Variants in ZNF804B observed in about 807,000 individuals in gnomAD.
The protein encoded by ZNF804B is zinc finger 804B.
Under a neutral mutation model 101.4 loss-of-function variants are expected in ZNF804B, and 80 were observed. That is an observed-to-expected ratio of 0.79 (90% CI 0.66 to 0.95). The LOEUF (loss-of-function observed/expected upper bound fraction) is 0.95, where lower values mean the gene tolerates loss of function less well. ZNF804B is among the 40% of genes least tolerant of loss of function. The pLI, the probability that ZNF804B is intolerant of heterozygous loss-of-function variation, is 0.00. For missense variants in ZNF804B, 1,673 were observed against 1,561.9 expected, an observed-to-expected ratio of 1.07 and a Z score of -1.20; for synonymous variants, 622 against 558.8, an observed-to-expected ratio of 1.11 and a Z score of -1.59.
intron 1 of ZNF804B, among the ~76,000 whole-genome samples, chr7:89,196,180 G>T (rs572395813): frequency 6.6e-6 from 1 of 151,552 alleles, no homozygotes; most frequent in Non-Finnish European, 1.5e-5. Flanking sequence ...ATAACCAAAA[G>T]AGCATGATAC....
At chr7:88,996,404 G>A (rs1455868564) in intron 1 of ZNF804B, among the ~76,000 whole-genome samples, 2 of 151,978 alleles carry the variant, frequency 1.3e-5, no homozygotes, top group African/African-American at 4.8e-5. Context: ...TTATGTTCTT[G>A]TTTACCGGCT....
chr7:89,050,929 T>C lies in ZNF804B; in HGVS notation c.109-167226T>C, dbSNP rs529862070. Among the ~76,000 whole-genome samples the C allele has an allele frequency of 1.1e-3, 167 of 152,214 alleles. No individual in the cohort carries two copies. The South Asian group carries it at 0.016, about 15-fold the overall frequency. On this transcript the variant is annotated intron_variant, in intron 1 of 3. Transcript: ENST00000333190. Reference sequence around the variant, plus strand: ...TGGATATAACTCATTATCATTTTGTTGAGGTTTTATTAAGGTAGAAGCACA... The same window carrying C: ...TGGATATAACTCATTATCATTTTGTCGAGGTTTTATTAAGGTAGAAGCACA...
chr7:89,276,025 G>A (rs774000182), intron 2 of ZNF804B, among the ~76,000 whole-genome samples: 3 of 151,850 alleles, frequency 2.0e-5, no homozygotes, highest in Non-Finnish European at 4.4e-5. Context: ...GCAGGGACAC[G>A]AATGGATCTG....
At chr7:89,182,586 C>A (rs1391304402) in intron 1 of ZNF804B, among the ~76,000 whole-genome samples, 1 of 152,066 alleles carries the variant, frequency 6.6e-6, no homozygotes, top group Non-Finnish European at 1.5e-5. Flanking sequence ...TTCTTGATGA[C>A]CTTGTACAAA....
intron 1 of ZNF804B, among the ~76,000 whole-genome samples, chr7:88,866,873 T>G (rs942052648): frequency 6.6e-6 from 1 of 152,238 alleles, no homozygotes; most frequent in Non-Finnish European, 1.5e-5. Context: ...ACCAAAATGG[T>G]TGGCTTCTGA....
At chr7:88,968,478 C>T (rs952810800) in intron 1 of ZNF804B, among the ~76,000 whole-genome samples, 10 of 151,620 alleles carry the variant, frequency 6.6e-5, no homozygotes, top group Non-Finnish European at 1.0e-4. Context: ...GATCCATCCA[C>T]GTTCCTAGGC....
intron 1 of ZNF804B, among the ~76,000 whole-genome samples, chr7:88,821,363 T>C (rs1288519951): frequency 1.3e-5 from 2 of 152,364 alleles, no homozygotes; most frequent in Admixed American, 6.5e-5. Context: ...GATGAATCTA[T>C]ATGTGACTTT....
chr7:89,216,680 T>C (rs1055077602), intron 1 of ZNF804B, among the ~76,000 whole-genome samples: 25 of 152,184 alleles, frequency 1.6e-4, no homozygotes, highest in African/African-American at 6.0e-4. Flanking sequence ...CCCTCTTATA[T>C]TTGGGCTTAA....
Position 89,333,579 on chromosome 7 carries a change from T to G in ZNF804B, c.597T>G (p.Phe199Leu). Residue 199 changes from phenylalanine (F) to leucine (L), a missense_variant, in exon 4 of 4, where the codon TTT becomes TTG. Phe to Leu is a conservative substitution (Grantham distance 22). Coordinates refer to ENST00000333190, the MANE Select transcript of ZNF804B (RefSeq NM_181646.5). ...TACAATCAGACAGGCGTTGTTTGTT[T>G]GGAAATCAGGTACTGCAAACATCTT... is the stretch of plus-strand genomic sequence containing the variant. ...HQLQSDRRCL[F>L]GNQVLQTSSD... is the part of the protein sequence containing the mutation. 1 of 1,613,560 alleles carries G rather than the reference T, an allele frequency of 6.2e-7. No homozygotes were observed. The highest frequency in any genetic ancestry group is 8.5e-7 in the Non-Finnish European group (1 of 1,179,682).
chr7:88,799,314 A>T (rs1210863498), intron 1 of ZNF804B, among the ~76,000 whole-genome samples: 2 of 151,278 alleles, frequency 1.3e-5, no homozygotes, highest in African/African-American at 4.8e-5. Flanking sequence ...TTTAACAGTA[A>T]CCCTATATGA....
At chr7:89,210,510 G>A (rs1290802377) in intron 1 of ZNF804B, among the ~76,000 whole-genome samples, 3 of 151,922 alleles carry the variant, frequency 2.0e-5, no homozygotes, top group Non-Finnish European at 4.4e-5. Context: ...CCCAACCCCT[G>A]GAGAAGCCCC....
intron 2 of ZNF804B, among the ~76,000 whole-genome samples, chr7:89,298,690 A>G (rs186974762): frequency 6.6e-6 from 1 of 151,872 alleles, no homozygotes; most frequent in Non-Finnish European, 1.5e-5. Context: ...CTTCTTTGTA[A>G]CTTTTTGTAC....
At chr7:89,043,286 CG>C (rs1333607261) in intron 1 of ZNF804B, among the ~76,000 whole-genome samples, 1 of 152,124 alleles carries the variant, frequency 6.6e-6, no homozygotes, top group African/African-American at 2.4e-5. Context: ...ATGACTCAGT[CG>C]CATCACTTAA....
chr7:88,985,169 A>T (rs1320338467), intron 1 of ZNF804B, among the ~76,000 whole-genome samples: 1 of 151,814 alleles, frequency 6.6e-6, no homozygotes, highest in Non-Finnish European at 1.5e-5. Flanking sequence ...GAATTAATGG[A>T]TGAATGAATT....
chr7:89,001,242 C>T (rs1363707990), intron 1 of ZNF804B, among the ~76,000 whole-genome samples: 1 of 150,678 alleles, frequency 6.6e-6, no homozygotes, highest in African/African-American at 2.4e-5. Context: ...AGATAATGCA[C>T]ATGCTAATTA....
intron 2 of ZNF804B, among the ~76,000 whole-genome samples, chr7:89,224,712 ATGTGTGTGTGTGTGTGTGTGTG>A (rs56064065): frequency 1.1e-4 from 16 of 144,166 alleles, no homozygotes; most frequent in African/African-American, 4.2e-4. Context: ...CTGGCAAAGT[ATGTGTGTGTGTGTGTGTGTGTG>A]TGTGTGTGTG....
chr7:89,265,404 G>C (rs987127467), intron 2 of ZNF804B, among the ~76,000 whole-genome samples: 2 of 152,202 alleles, frequency 1.3e-5, no homozygotes, highest in African/African-American at 4.8e-5. Context: ...GAAGAACAAA[G>C]TCAGAGAGGA....
At chr7:89,332,243 C>T (rs1382434530) in intron 3 of ZNF804B, among the ~76,000 whole-genome samples, 6 of 151,534 alleles carry the variant, frequency 4.0e-5, no homozygotes, top group Non-Finnish European at 7.4e-5. Flanking sequence ...GAGTTCGATG[C>T]TGATTTGCCA....
intron 1 of ZNF804B, among the ~76,000 whole-genome samples, chr7:88,781,001 C>G (rs938882005): frequency 6.6e-6 from 1 of 152,102 alleles, no homozygotes; most frequent in Non-Finnish European, 1.5e-5. Context: ...ATTATTATCT[C>G]ATTCTTTTAG....
Sources: gnomAD v4.1 joint callset for allele counts (sites outside exome capture counted in the v4.1 genomes callset) on GRCh38, gnomAD v4.1.1 for gene constraint, MANE v1.5 for transcripts, NCBI Gene and HGNC (gene_info 2026-07-23, HGNC 2026-07-21) for gene names.